TGM7: variants seen among roughly 807,000 people sequenced by gnomAD.
TGM7 encodes transglutaminase 7.
TGM7 carries 74 observed loss-of-function variants against 79.5 expected under a neutral mutation model. That is an observed-to-expected ratio of 0.93 (90% confidence interval 0.77 to 1.13). The LOEUF (loss-of-function observed/expected upper bound fraction) is 1.13, where lower values mean the gene tolerates loss of function less well. TGM7 is among the 50% of genes most tolerant of loss of function. The pLI is 0.00. For missense variants in TGM7, 912 were observed against 905.9 expected (o/e 1.01, Z -0.09); for synonymous variants, 354 against 362.5 (o/e 0.98, Z 0.27).
At chr15:43,295,915 G>A (rs547257883) in intron 1 of TGM7, among the ~76,000 whole-genome samples, 1 of 152,352 alleles carries the variant, frequency 6.6e-6, no homozygotes, top group East Asian at 1.9e-4. Flanking sequence ...AGAAAATTTA[G>A]AGAAAGATCT....
chr15:43,293,653 G>T, intron 1 of TGM7, 22 bp from the exon 2 acceptor site: 1 of 1,573,662 alleles, frequency 6.4e-7, no homozygotes, highest in Non-Finnish European at 8.6e-7. Context: ...GAGGGGACAG[G>T]TCACGCCCAC....
Position 43,293,466 on chromosome 15 carries a change from G to A in TGM7, c.176C>T (p.Thr59Ile). 1 of 1,607,386 alleles carries A rather than the reference G, an allele frequency of 6.2e-7. No homozygotes were observed. The highest frequency in any genetic ancestry group is 1.1e-5 in the South Asian group (1 of 90,708). ...RPFQSQNDHITFVAETGPKPS... is the reference protein window; with the variant it reads ...RPFQSQNDHIIFVAETGPKPS... ...AAACTCACCGGTCTCAGCCACAAAG[G>A]TGATGTGGTCGTTCTGGGACTGGAA... Residue 59 changes from threonine (T) to isoleucine (I), a missense_variant, in exon 2 of 13, where the codon ACC becomes ATC. By Grantham distance (89) the Thr-to-Ile change is moderately conservative (BLOSUM62 -1). Coordinates refer to ENST00000452443, the MANE Select transcript of TGM7 (RefSeq NM_052955.3).
chr15:43,293,152 A>T (rs1342821979), intron 2 of TGM7, among the ~76,000 whole-genome samples, 198 bp from the exon 3 acceptor site: 1 of 152,240 alleles, frequency 6.6e-6, no homozygotes, highest in East Asian at 1.9e-4. Context: ...GGATCATAAT[A>T]GTACCACCTG....
At position 43,279,411 on chromosome 15, in the gene TGM7, T is replaced by C. The variant is rs1596459017; in HGVS notation, c.1679-134A>G. On this transcript the variant is annotated intron_variant, in intron 10 of 12. Coordinates refer to ENST00000452443, the MANE Select transcript of TGM7 (RefSeq NM_052955.3). ...GTGTGTGAGAGACAGACAGACAGCG[T>C]CCCACCACGCACACACTGTCCCCAG... The C allele has an allele frequency of 6.0e-6, 7 of 1,170,000 alleles. No homozygotes were observed. The East Asian group carries it at 1.7e-4, about 29-fold the overall frequency. 72.5% of individuals were successfully genotyped at this position (1,170,000 alleles called of 1,614,324 possible).
chr15:43,292,457 C>T (rs1210350724), intron 3 of TGM7, among the ~76,000 whole-genome samples: 1 of 152,216 alleles, frequency 6.6e-6, no homozygotes, highest in Non-Finnish European at 1.5e-5. Flanking sequence ...ATTCTAGCCA[C>T]TCTCTCTTTC....
At chr15:43,289,054 G>T (rs934325398) in intron 4 of TGM7, among the ~76,000 whole-genome samples, 1 of 151,906 alleles carries the variant, frequency 6.6e-6, no homozygotes, top group Non-Finnish European at 1.5e-5. Context: ...AGGCCATAAG[G>T]TCTCTGTCTT....
chr15:43,280,812 GT>G (rs2042903962), intron 9 of TGM7, among the ~76,000 whole-genome samples: 2 of 152,314 alleles, frequency 1.3e-5, no homozygotes, highest in South Asian at 4.1e-4. Context: ...AGAAGAAACT[GT>G]TTTAAGGAAA....
rs1219870450 is a variant in TGM7 at position 43,287,311 on chromosome 15, C to T, written c.834G>A (p.Gln278=). The T allele has an allele frequency of 3.7e-6, 6 of 1,613,828 alleles. No homozygotes were observed. In the South Asian group the frequency reaches 5.5e-5, roughly 15 times the overall value. Reference sequence around the variant, plus strand: ...ACATAACAGAGGCGAAGACCCAGCACTGTCCGTACTTCACAGGCTGCCCGC... The same window carrying T: ...ACATAACAGAGGCGAAGACCCAGCATTGTCCGTACTTCACAGGCTGCCCGC... ...ARGGQPVKYG[Q]CWVFASVMCT... is the part of the protein sequence containing the mutation. Residue 278 remains glutamine (Q), a synonymous_variant, in exon 6 of 13, where the codon CAG becomes CAA. Coordinates refer to ENST00000452443, the MANE Select transcript of TGM7 (RefSeq NM_052955.3).
chr15:43,287,879 G>T (rs1371174708), intron 4 of TGM7, among the ~76,000 whole-genome samples: 18 of 152,128 alleles, frequency 1.2e-4, no homozygotes, highest in Non-Finnish European at 4.4e-5. Context: ...ACACTAAACT[G>T]CGTGGTTCTG....
At chr15:43,279,987 G>C (rs775097908) in intron 9 of TGM7, 36 bp from the exon 10 acceptor site, 3 of 1,583,706 alleles carry the variant, frequency 1.9e-6, no homozygotes, top group Middle Eastern at 1.7e-4. Context: ...CATGCATGGG[G>C]AGGGGTGGAG....
chr15:43,297,702 C>T (rs1470504623), intron 1 of TGM7, among the ~76,000 whole-genome samples: 1 of 152,170 alleles, frequency 6.6e-6, no homozygotes, highest in Non-Finnish European at 1.5e-5. Flanking sequence ...TGCAAAGCTC[C>T]TGTCCTCTGA....
chr15:43,300,731 G>A (rs1467910932), intron 1 of TGM7, among the ~76,000 whole-genome samples: 2 of 152,194 alleles, frequency 1.3e-5, no homozygotes, highest in African/African-American at 4.8e-5. Flanking sequence ...AACCCTGGAG[G>A]CGGAGCTTGC....
At chr15:43,281,113 C>T (rs899422595) in intron 9 of TGM7, among the ~76,000 whole-genome samples, 21 of 152,384 alleles carry the variant, frequency 1.4e-4, no homozygotes, top group African/African-American at 5.0e-4. Context: ...GCAGTTGCTG[C>T]ATTCCACAGG....
chr15:43,280,621 CT>C (rs2042903061), intron 9 of TGM7, among the ~76,000 whole-genome samples: 1 of 150,754 alleles, frequency 6.6e-6, no homozygotes, highest in African/African-American at 2.5e-5. Context: ...GAAACTCCGC[CT>C]AAAAAAAAAA....
At chr15:43,277,445 C>G (rs760156167) in intron 11 of TGM7, among the ~76,000 whole-genome samples, 1 of 152,216 alleles carries the variant, frequency 6.6e-6, no homozygotes, top group African/African-American at 2.4e-5. Flanking sequence ...CCTGCCCTTA[C>G]GCTCATCACC....
intron 1 of TGM7, among the ~76,000 whole-genome samples, chr15:43,297,489 G>A (rs547310583): frequency 4.8e-5 from 6 of 126,216 alleles, no homozygotes; most frequent in African/African-American, 2.1e-4. Context: ...GAGAGAAAGA[G>A]AAAGAAAAAG....
rs1324987411 is a variant in TGM7 at position 43,293,450 on chromosome 15, G to A, written c.192C>T (p.Thr64=). Reference sequence around the variant, plus strand: ...GGCCTTGGGACAGGGCAAACTCACCGGTCTCAGCCACAAAGGTGATGTGGT... The same window carrying A: ...GGCCTTGGGACAGGGCAAACTCACCAGTCTCAGCCACAAAGGTGATGTGGT... ...QNDHITFVAE[T]GPKPSELLGT... Residue 64 remains threonine, a splice_region_variant and synonymous_variant, in exon 2 of 13, where the codon ACC becomes ACT. Transcript: ENST00000452443. The A allele has an allele frequency of 1.3e-6, 2 of 1,597,720 alleles. No individual in the cohort carries two copies. Among genetic ancestry groups the A allele is most frequent in the Admixed American group, 1.7e-5 (1 of 59,320 alleles).
Position 43,276,549 on chromosome 15 carries a change from C to G in TGM7, c.2039G>C (p.Gly680Ala). The change falls in exon 13 of 13, where the codon GGA (glycine) becomes GCA (alanine). Residue 680 changes from glycine to alanine, a missense_variant. Coordinates refer to ENST00000452443, the MANE Select transcript of TGM7 (RefSeq NM_052955.3). The part of the protein sequence containing the change: ...IQLDLYPTKA[G>A]PRQLQVLISS... Reference sequence around the variant, plus strand: ...GATGAGAACCTGGAGCTGGCGGGGTCCAGCTTTGGTCGGGTAGAGGTCCAG... The same window carrying G: ...GATGAGAACCTGGAGCTGGCGGGGTGCAGCTTTGGTCGGGTAGAGGTCCAG... 6.2e-7 allele frequency: 1 copy of G among 1,614,122 alleles called. No individual in the cohort carries two copies. The highest frequency in any genetic ancestry group is 8.5e-7 in the Non-Finnish European group (1 of 1,180,000).
chr15:43,284,568 A>G (rs2042925423), intron 7 of TGM7, among the ~76,000 whole-genome samples: 1 of 152,226 alleles, frequency 6.6e-6, no homozygotes, highest in Non-Finnish European at 1.5e-5. Flanking sequence ...GAAGACGCCC[A>G]GCTAGTCATT....
Sources: gnomAD v4.1 joint callset for allele counts (sites outside exome capture counted in the v4.1 genomes callset) on GRCh38, gnomAD v4.1.1 for gene constraint, MANE v1.5 for transcripts, NCBI Gene and HGNC (gene_info 2026-07-23, HGNC 2026-07-21) for gene names.